GPSM2: variants seen among roughly 807,000 people sequenced by gnomAD.
The protein encoded by GPSM2 is G protein signaling modulator 2.
GPSM2 carries 58 observed loss-of-function variants against 78.4 expected under a neutral mutation model. The ratio of observed to expected loss-of-function variants is 0.74; its 90% CI spans 0.60 to 0.92. GPSM2 has a LOEUF of 0.92. Ranked by LOEUF, GPSM2 falls within the 40% of genes least tolerant of loss-of-function variation. The pLI, the probability that GPSM2 is intolerant of heterozygous loss-of-function variation, is 0.00. For synonymous variants in GPSM2, 224 were observed against 280.2 expected (o/e 0.80, Z 2.00); for missense variants, 700 against 815.5 (o/e 0.86, Z 1.73).
chr1:108,906,223 T>C (rs1199072379), intron 10 of GPSM2, among the ~76,000 whole-genome samples: 1 of 152,130 alleles, frequency 6.6e-6, no homozygotes, highest in Non-Finnish European at 1.5e-5. Context: ...TTGTTCCCTT[T>C]CTACTTTTAT....
rs776494876 is a variant in GPSM2, at chr1:108,897,650, T to C, written c.414+23T>C. 8.7e-6 allele frequency: 14 copies of C among 1,603,476 alleles called. No individual in the cohort carries two copies. The Admixed American group carries it at 1.7e-4, about 19-fold the overall frequency. On this transcript the variant is annotated intron_variant, in intron 4 of 14. Coordinates refer to ENST00000264126, the MANE Select transcript of GPSM2 (RefSeq NM_013296.5). ...AAGGTAATACCGCAGCATTAGATGG[T>C]AGGCCTAATATTTTCATTCAAAGGG...
At chr1:108,877,715 T>A (rs999168426) in intron 1 of GPSM2, 8 of 152,118 alleles carry the variant, frequency 5.3e-5, no homozygotes, top group Admixed American at 5.2e-4. Flanking sequence ...CTTAAATTAG[T>A]GAACTTTTGG....
intron 5 of GPSM2, 73 bp downstream of exon 5, chr1:108,898,174 G>A (rs1270109546): frequency 7.0e-7 from 1 of 1,437,550 alleles, no homozygotes; most frequent in Non-Finnish European, 9.8e-7. Flanking sequence ...TCTTTATTCA[G>A]TAGTAAGTTT....
intron 10 of GPSM2, among the ~76,000 whole-genome samples, chr1:108,912,304 G>A (rs760141415): frequency 2.0e-5 from 3 of 152,180 alleles, no homozygotes; most frequent in Non-Finnish European, 4.4e-5. Context: ...TAATAAGACA[G>A]TGTGCTGTTG....
At chr1:108,882,555 G>C (rs1018880417) in intron 1 of GPSM2, 3 of 152,096 alleles carry the variant, frequency 2.0e-5, no homozygotes, top group Admixed American at 1.3e-4. Context: ...TTTTTGATAC[G>C]CGGTTGGTTG....
intron 2 of GPSM2, among the ~76,000 whole-genome samples, chr1:108,888,004 C>T (rs1647695523): frequency 6.6e-6 from 1 of 152,158 alleles, no homozygotes; most frequent in Non-Finnish European, 1.5e-5. Flanking sequence ...TAAATGCAAA[C>T]TTAAATATTA....
Position 108,897,083 on chromosome 1 carries a change from A to C in GPSM2, c.276A>C (p.Ala92=). Reference sequence around the variant, plus strand: ...ATCACCATCATGATTTAACCCTTGCAAGGTAATTAATTTAAGCTTTTAAAT... The same window carrying C: ...ATCACCATCATGATTTAACCCTTGCCAGGTAATTAATTTAAGCTTTTAAAT... ...LEYHHHDLTL[A]RTIGDQLGEA... The change falls in exon 3 of 15, where the codon GCA becomes GCC. Residue 92 remains alanine (A), a splice_region_variant and synonymous_variant. Transcript: ENST00000264126. 6.3e-7 allele frequency: 1 copy of C among 1,583,578 alleles called. No homozygotes were observed.
intron 2 of GPSM2, 103 bp from the exon 3 acceptor site, chr1:108,896,761 C>T: frequency 1.1e-6 from 1 of 883,156 alleles, no homozygotes; most frequent in Admixed American, 1.7e-5. Context: ...GAGGCAGCTG[C>T]CCTGAACAAG....
chr1:108,930,119 G>C lies in GPSM2; in HGVS notation c.*179G>C. ...AATACTTCTCTGGACATGCGCGTTT[G>C]AGGGTGGAGGGGTCCTGTAAGGTGC... On this transcript the variant is annotated 3_prime_UTR_variant, in exon 15 of 15. Transcript: ENST00000264126. 1 of 621,336 alleles carries C rather than the reference G, an allele frequency of 1.6e-6. No homozygotes were observed. The highest frequency in any genetic ancestry group is 2.1e-5 in the South Asian group (1 of 48,202). The allele number at this position is 621,336 out of a possible 1,614,324, so 38.5% of individuals were successfully genotyped here. A position where few individuals can be genotyped will look rare whatever the true frequency, so the allele number is the denominator to read the frequency against.
rs139138347 is a variant in GPSM2, at chr1:108,877,967, C to T, written c.-249+739C>T. 5.9e-5 allele frequency among the ~76,000 whole-genome samples: 9 copies of T among 152,250 alleles called. No homozygotes were observed. In the East Asian group the frequency reaches 1.7e-3, roughly 29 times the overall value. ...GGCCTTAATGCATAATTTAACCACA[C>T]CGTAGAATTAAACGAAGTAGGTTCT... On this transcript the variant is annotated intron_variant, in intron 1 of 14. Coordinates refer to ENST00000264126, the MANE Select transcript of GPSM2 (RefSeq NM_013296.5).
At chr1:108,918,561 G>C in intron 11 of GPSM2, 52 bp from the exon 12 acceptor site, 1 of 1,317,378 alleles carries the variant, frequency 7.6e-7, no homozygotes. Context: ...CCAGAAGAGA[G>C]CTGGGGATTT....
rs117299997 is a variant in GPSM2 at position 108,933,828 on chromosome 1, T to C, written c.*3888T>C. The C allele has an allele frequency of 1.8e-4, 27 of 152,352 alleles. No individual in the cohort carries two copies. In the East Asian group the frequency reaches 4.8e-3, roughly 27 times the overall value. 9.4% of individuals were successfully genotyped at this position (152,352 alleles called of 1,614,324 possible). A position where few individuals can be genotyped will look rare whatever the true frequency, so the allele number is the denominator to read the frequency against. On this transcript the variant is annotated 3_prime_UTR_variant, in exon 15 of 15. Transcript: ENST00000264126. ...TCCTCATCATGGTATTCTCTATGTA[T>C]AGATCTCTAAAAATGCAAACTTCCT...
At chr1:108,925,825 T>G (rs1047699205) in intron 14 of GPSM2, among the ~76,000 whole-genome samples, 5 of 140,036 alleles carry the variant, frequency 3.6e-5, no homozygotes, top group Non-Finnish European at 6.3e-5. Context: ...AAATGTGGGG[T>G]TTTTTTTTTT....
At chr1:108,902,082 T>C (rs1648870835) in intron 8 of GPSM2, 137 bp downstream of exon 8, 1 of 645,708 alleles carries the variant, frequency 1.5e-6, no homozygotes, top group East Asian at 2.8e-5. Context: ...TGATATCCTC[T>C]GTATATCATT....
At position 108,908,703 on chromosome 1, in the gene GPSM2, C is replaced by T. The variant is rs574420958; in HGVS notation, c.1192+4449C>T. 5.9e-5 allele frequency among the ~76,000 whole-genome samples: 6 copies of T among 102,288 alleles called. No individual in the cohort carries two copies. In the East Asian group the frequency reaches 9.8e-4, roughly 17 times the overall value. The allele number at this position is 102,288 out of a possible 152,430, so 67.1% of individuals were successfully genotyped here. A position where few individuals can be genotyped will look rare whatever the true frequency, so the allele number is the denominator to read the frequency against. On this transcript the variant is annotated intron_variant, in intron 10 of 14. Coordinates refer to ENST00000264126, the MANE Select transcript of GPSM2 (RefSeq NM_013296.5). The stretch of plus-strand genomic sequence containing the variant: ...CGTGCGCGCACACACACACAGCCGA[C>T]AGCCAGACTCCATCTCAAAACACAA...
chr1:108,914,793 G>A (rs917122945), intron 11 of GPSM2, among the ~76,000 whole-genome samples: 3 of 152,100 alleles, frequency 2.0e-5, no homozygotes, highest in African/African-American at 7.2e-5. Context: ...TAGAAGATCA[G>A]GAAGATCAAA....
Position 108,898,874 on chromosome 1 carries a change from T to A in GPSM2, c.682-5T>A. On this transcript the variant is annotated splice_region_variant and splice_polypyrimidine_tract_variant and intron_variant, in intron 6 of 14. Coordinates refer to ENST00000264126, the MANE Select transcript of GPSM2 (RefSeq NM_013296.5). ...TCTACATCTAATTAAAATTGTTTGT[T>A]TCAGCGTCTCCTTATTGCAAAAGAA... 1.2e-6 allele frequency: 2 copies of A among 1,607,916 alleles called. No homozygotes were observed. The highest frequency in any genetic ancestry group is 1.7e-6 in the Non-Finnish European group (2 of 1,174,332).
At chr1:108,885,823 T>C (rs1283668937) in intron 2 of GPSM2, among the ~76,000 whole-genome samples, 1 of 152,206 alleles carries the variant, frequency 6.6e-6, no homozygotes, top group Admixed American at 6.5e-5. Context: ...TCTTTATAAT[T>C]TGTAACTTTT....
chr1:108,892,719 A>G (rs1271367991), intron 2 of GPSM2, among the ~76,000 whole-genome samples: 1 of 152,196 alleles, frequency 6.6e-6, no homozygotes, highest in African/African-American at 2.4e-5. Flanking sequence ...GAGGATATGA[A>G]ATTACTTTCT....
Sources: allele counts gnomAD v4.1 joint callset (sites outside exome capture counted in the v4.1 genomes callset), GRCh38; gene constraint gnomAD v4.1.1; transcripts MANE v1.5; gene names NCBI Gene and HGNC (gene_info 2026-07-23, HGNC 2026-07-21).